Variants in OSBPL6 observed in about 807,000 individuals in gnomAD.
The protein encoded by OSBPL6 is oxysterol binding protein like 6.
Under a neutral mutation model 125.8 loss-of-function variants are expected in OSBPL6, and 49 were observed. The ratio of observed to expected loss-of-function variants is 0.39; its 90% CI spans 0.31 to 0.49. The LOEUF (loss-of-function observed/expected upper bound fraction) is 0.49, where lower values mean the gene tolerates loss of function less well. Among genes scored for constraint, OSBPL6 ranks in the 20% least tolerant of loss-of-function variants. OSBPL6 has a pLI of 0.88. For synonymous variants in OSBPL6, 394 were observed against 391.8 expected (o/e 1.01, Z -0.07); for missense variants, 986 against 1,135.4 (o/e 0.87, Z 1.89).
chr2:178,209,439 C>CTTTTTTTTTTTTTTT (rs71850875), intron 1 of OSBPL6, among the ~76,000 whole-genome samples: 3 of 95,758 alleles, frequency 3.1e-5, no homozygotes, highest in African/African-American at 7.8e-5. Context: ...TTCTTTCTTT[C>CTTTTTTTTTTTTTTT]TTTTTTTTTT....
chr2:178,375,738 A>G (rs1188381988), intron 15 of OSBPL6, among the ~76,000 whole-genome samples: 2 of 152,094 alleles, frequency 1.3e-5, no homozygotes, highest in Non-Finnish European at 2.9e-5. Context: ...ATCCTTCTTT[A>G]GTCAGGTTAC....
rs113581839 is a variant in OSBPL6 at position 178,210,449 on chromosome 2, G to A, written c.-351+15775G>A. Among the ~76,000 whole-genome samples the A allele has an allele frequency of 7.5e-3, 1,139 of 152,130 alleles. 15 individuals are homozygous for A. Among genetic ancestry groups the A allele is most frequent in the African/African-American group, 0.025 (1,051 of 41,508 alleles). On this transcript the variant is annotated intron_variant, in intron 1 of 24. Coordinates refer to ENST00000190611, the MANE Select transcript of OSBPL6 (RefSeq NM_032523.4). ...AGGATATTATTTGATGGCCTTTTGG[G>A]TTTGGATATCAATTTAGGAAGGTAA...
At chr2:178,367,823 T>A (rs1209115230) in intron 13 of OSBPL6, among the ~76,000 whole-genome samples, 1 of 152,198 alleles carries the variant, frequency 6.6e-6, no homozygotes, top group Non-Finnish European at 1.5e-5. Flanking sequence ...GCATAAAACC[T>A]GCTGCGTGAA....
At chr2:178,361,597 G>A (rs1312193929) in intron 12 of OSBPL6, 85 bp from the exon 13 acceptor site, 3 of 1,512,178 alleles carry the variant, frequency 2.0e-6, no homozygotes, top group African/African-American at 2.8e-5. Flanking sequence ...GCCTATTTGT[G>A]AGTGAAAGTC....
chr2:178,253,755 G>C (rs768230636), intron 1 of OSBPL6, among the ~76,000 whole-genome samples: 2 of 152,112 alleles, frequency 1.3e-5, no homozygotes, highest in African/African-American at 2.4e-5. Context: ...GCCCAGTTTT[G>C]CAAATAAAAT....
At chr2:178,312,902 C>T (rs900105996) in intron 3 of OSBPL6, among the ~76,000 whole-genome samples, 1 of 150,074 alleles carries the variant, frequency 6.7e-6, no homozygotes, top group Non-Finnish European at 1.5e-5. Flanking sequence ...TTCCTTCTTT[C>T]TTTTTTTTTG....
chr2:178,371,565 G>T (rs1180173369), intron 13 of OSBPL6, among the ~76,000 whole-genome samples: 1 of 152,130 alleles, frequency 6.6e-6, no homozygotes, highest in East Asian at 1.9e-4. Flanking sequence ...ACTTAAGTTA[G>T]TTCTGCAGCA....
chr2:178,323,952 A>T (rs1688475132), intron 3 of OSBPL6, among the ~76,000 whole-genome samples: 1 of 152,184 alleles, frequency 6.6e-6, no homozygotes, highest in African/African-American at 2.4e-5. Flanking sequence ...CCAAGACTGA[A>T]ACCGGCACTG....
chr2:178,337,877 T>C (rs1198375064), intron 9 of OSBPL6, among the ~76,000 whole-genome samples: 1 of 152,012 alleles, frequency 6.6e-6, no homozygotes, highest in Non-Finnish European at 1.5e-5. Flanking sequence ...ATGTAATATT[T>C]CCTGGATAGA....
chr2:178,231,743 C>T (rs2090831159), intron 1 of OSBPL6, among the ~76,000 whole-genome samples: 1 of 149,860 alleles, frequency 6.7e-6, no homozygotes, highest in South Asian at 2.1e-4. Flanking sequence ...AACACCTGGC[C>T]TCAAGTGATC....
intron 1 of OSBPL6, among the ~76,000 whole-genome samples, chr2:178,224,009 A>G (rs2090448792): frequency 6.6e-6 from 1 of 152,182 alleles, no homozygotes; most frequent in East Asian, 1.9e-4. Flanking sequence ...ACTGGCTTCT[A>G]ATCAAATGCC....
chr2:178,394,547 G>A, intron 24 of OSBPL6, 112 bp downstream of exon 24: 1 of 1,333,412 alleles, frequency 7.5e-7, no homozygotes, highest in Non-Finnish European at 1.0e-6. Flanking sequence ...TGGTATCTTT[G>A]CTTTTGGCAG....
At chr2:178,236,485 G>A (rs11894754) in intron 1 of OSBPL6, among the ~76,000 whole-genome samples, 7,646 of 152,264 alleles carry the variant, frequency 0.05, 244 homozygotes, top group East Asian at 0.1. Flanking sequence ...GTTGGTTTCT[G>A]TGTGGGCCTG....
chr2:178,378,530 TA>T (rs750952326), intron 15 of OSBPL6, among the ~76,000 whole-genome samples: 91 of 152,360 alleles, frequency 6.0e-4, no homozygotes, highest in Non-Finnish European at 1.1e-3. Flanking sequence ...TATTTGCCTT[TA>T]CTTTTAAACT....
intron 1 of OSBPL6, among the ~76,000 whole-genome samples, chr2:178,219,234 G>C (rs1331257345): frequency 6.6e-6 from 1 of 152,184 alleles, no homozygotes; most frequent in East Asian, 1.9e-4. Context: ...GAATTGGGTT[G>C]CTTGCATCAT....
intron 3 of OSBPL6, among the ~76,000 whole-genome samples, chr2:178,309,653 A>T (rs1687089586): frequency 6.6e-6 from 1 of 152,182 alleles, no homozygotes; most frequent in Non-Finnish European, 1.5e-5. Context: ...TAGTTATTTA[A>T]CAAGTTAGAA....
At chr2:178,301,516 C>A (rs1686280733) in intron 2 of OSBPL6, among the ~76,000 whole-genome samples, 1 of 152,074 alleles carries the variant, frequency 6.6e-6, no homozygotes, top group Non-Finnish European at 1.5e-5. Flanking sequence ...TAAAGTAGAA[C>A]CAAAAATGTT....
chr2:178,388,880 T>C (rs1695169098), intron 20 of OSBPL6, 129 bp from the exon 21 acceptor site: 1 of 1,002,748 alleles, frequency 1.0e-6, no homozygotes, highest in Non-Finnish European at 1.4e-6. Flanking sequence ...ACAGAGAGAA[T>C]TTCAAGACAC....
At chr2:178,275,746 A>C (rs2092457016) in intron 1 of OSBPL6, among the ~76,000 whole-genome samples, 1 of 151,924 alleles carries the variant, frequency 6.6e-6, no homozygotes, top group African/African-American at 2.4e-5. Context: ...GGAAAAAAAA[A>C]AAGAGGAACC....
Sources: gnomAD v4.1 joint callset for allele counts (sites outside exome capture counted in the v4.1 genomes callset) on GRCh38, gnomAD v4.1.1 for gene constraint, MANE v1.5 for transcripts, NCBI Gene and HGNC (gene_info 2026-07-23, HGNC 2026-07-21) for gene names.